ZNF148: variants seen among roughly 807,000 people sequenced by gnomAD.
ZNF148 encodes the protein zinc finger protein 148.
A neutral mutation model predicts 67.7 loss-of-function variants in ZNF148; 7 were observed. The ratio of observed to expected loss-of-function variants is 0.10; its 90% CI spans 0.06 to 0.19. The LOEUF is 0.19. Among genes scored for constraint, ZNF148 ranks in the 10% least tolerant of loss-of-function variants. The pLI, the probability that ZNF148 is intolerant of heterozygous loss-of-function variation, is 1.00. For missense variants in ZNF148, 583 were observed against 947.1 expected, an observed-to-expected ratio of 0.62 and a Z score of 5.05; for synonymous variants, 333 against 330.7, an observed-to-expected ratio of 1.01 and a Z score of -0.08.
chr3:125,365,762 G>T (rs1373597728), intron 1 of ZNF148, among the ~76,000 whole-genome samples: 1 of 152,170 alleles, frequency 6.6e-6, no homozygotes, highest in East Asian at 1.9e-4. Context: ...AGGCTGCAGT[G>T]AGCTGCTGCG....
chr3:125,266,735 A>T (rs1383246892), intron 7 of ZNF148, among the ~76,000 whole-genome samples: 2 of 152,050 alleles, frequency 1.3e-5, no homozygotes, highest in East Asian at 3.8e-4. Context: ...TGAAACTGAG[A>T]CCCAAAAACC....
intron 2 of ZNF148, among the ~76,000 whole-genome samples, chr3:125,326,243 A>T (rs1422295371): frequency 6.6e-6 from 1 of 152,160 alleles, no homozygotes; most frequent in Admixed American, 6.5e-5. Flanking sequence ...TTAATTCAAA[A>T]AACACTCCAT....
chr3:125,255,239 T>C (rs1481835686), intron 7 of ZNF148, among the ~76,000 whole-genome samples: 4 of 34,086 alleles, frequency 1.2e-4, no homozygotes, highest in African/African-American at 6.1e-4. Context: ...CCACCTGCTT[T>C]TTTTTTTTTT....
Position 125,232,309 on chromosome 3 carries a change from G to A in ZNF148, c.*32C>T, listed in dbSNP as rs1423269395. The A allele has an allele frequency of 6.4e-7, 1 of 1,565,850 alleles. No individual in the cohort carries two copies. Among genetic ancestry groups the A allele is most frequent in the South Asian group, 1.2e-5 (1 of 84,456 alleles). ...CCACTCTTGATTAATCTGTTCTAAAGTGCCAGTATTATTTACACTTTTTTT... is the reference window on the plus strand; with the variant it reads ...CCACTCTTGATTAATCTGTTCTAAAATGCCAGTATTATTTACACTTTTTTT... On this transcript the variant is annotated 3_prime_UTR_variant, in exon 9 of 9. Coordinates refer to ENST00000360647, the MANE Select transcript of ZNF148 (RefSeq NM_021964.3). This position sits in a 1 kb window ranked among gnomAD's most constrained non-coding sequence, Gnocchi z 4.2.
At chr3:125,269,205 C>CA (rs71148173) in intron 7 of ZNF148, among the ~76,000 whole-genome samples, 18,029 of 96,774 alleles carry the variant, frequency 0.19, 2,275 homozygotes, top group East Asian at 0.35. Context: ...CGGTCTCTAC[C>CA]AAAAAAAAAA....
At chr3:125,335,374 G>T (rs545129744) in intron 1 of ZNF148, among the ~76,000 whole-genome samples, 1 of 152,010 alleles carries the variant, frequency 6.6e-6, no homozygotes, top group African/African-American at 2.4e-5. Context: ...CAAAACAAAG[G>T]CATGTAGAAA....
In ZNF148 at chr3:125,279,236, T is replaced by A; in HGVS notation, c.471A>T (p.Ile157=). 1 of 1,569,598 alleles carries A rather than the reference T, an allele frequency of 6.4e-7. No individual in the cohort carries two copies. Among genetic ancestry groups the A allele is most frequent in the Non-Finnish European group, 8.6e-7 (1 of 1,160,804 alleles). ...TCAAACCAAGTGATCCATCCTCATT[T>A]ATTGTAAGGATCTAGTTCAAAAAAA... ...KQRSPAKILT[I]NEDGSLGLKT... The change falls in exon 6 of 9, where the codon ATA becomes ATT. Residue 157 remains isoleucine, a synonymous_variant. Coordinates refer to ENST00000360647, the MANE Select transcript of ZNF148 (RefSeq NM_021964.3).
chr3:125,290,643 A>G (rs899763562), intron 4 of ZNF148, among the ~76,000 whole-genome samples: 1 of 152,204 alleles, frequency 6.6e-6, no homozygotes, highest in Non-Finnish European at 1.5e-5. Context: ...AAATACTATA[A>G]CAAAAACATT....
intron 7 of ZNF148, among the ~76,000 whole-genome samples, chr3:125,265,959 T>TA (rs988326492): frequency 3.4e-4 from 52 of 152,018 alleles, no homozygotes; most frequent in African/African-American, 1.2e-3. Flanking sequence ...AAACCAACAG[T>TA]AAAAAAAGAC....
intron 2 of ZNF148, among the ~76,000 whole-genome samples, chr3:125,326,552 T>C (rs1485489618): frequency 1.3e-5 from 2 of 150,346 alleles, no homozygotes; most frequent in East Asian, 2.0e-4. Context: ...CAAAAGGCAA[T>C]AGAGGAAACA....
chr3:125,260,660 A>G (rs1024356756), intron 7 of ZNF148, among the ~76,000 whole-genome samples: 4 of 152,212 alleles, frequency 2.6e-5, no homozygotes, highest in African/African-American at 7.2e-5. Context: ...GGAGTGACAG[A>G]ACTAGTCTGT....
chr3:125,226,853 TA>T lies in ZNF148; in HGVS notation c.*5487del, dbSNP rs372998932. ...GACTACTGATGTAAAAGTTTATATT[TA>T]AAAATATCACAAATCTCTTTTTATT... is the stretch of plus-strand genomic sequence containing the variant. On this transcript the variant is annotated 3_prime_UTR_variant, in exon 9 of 9. Transcript: ENST00000360647. The T allele has an allele frequency of 1.9e-4, 29 of 152,356 alleles. No individual in the cohort carries two copies. In the East Asian group the frequency reaches 4.4e-3, roughly 23 times the overall value. The allele number at this position is 152,356 out of a possible 1,614,324, so 9.4% of individuals were successfully genotyped here. A position where few individuals can be genotyped will look rare whatever the true frequency, so the allele number is the denominator to read the frequency against.
chr3:125,351,261 A>G (rs567970747), intron 1 of ZNF148, among the ~76,000 whole-genome samples: 41 of 152,054 alleles, frequency 2.7e-4, no homozygotes, highest in African/African-American at 9.4e-4. Flanking sequence ...AGGTGCCTGT[A>G]GTCCTAGCTA....
At chr3:125,344,528 C>T in intron 1 of ZNF148, 1 of 1,112,658 alleles carries the variant, frequency 9.0e-7, no homozygotes, top group Non-Finnish European at 1.4e-6. Context: ...AATGTGAAGC[C>T]AAACTCAAAT....
At chr3:125,308,866 T>G (rs1940043184) in intron 4 of ZNF148, among the ~76,000 whole-genome samples, 1 of 152,126 alleles carries the variant, frequency 6.6e-6, no homozygotes, top group South Asian at 2.1e-4. Flanking sequence ...AAAAGGAGGA[T>G]GAATAAACAA....
chr3:125,233,027 C>T lies in ZNF148; in HGVS notation c.1699G>A (p.Val567Met). Residue 567 changes from valine to methionine, a missense_variant, in exon 9 of 9, where the codon GTG becomes ATG. By Grantham distance (21) the Val-to-Met change is conservative. Around this residue, in one of 5 missense-constraint regions of ZNF148, gnomAD observed 172 missense variants for 307.7 expected, o/e 0.56. Transcript: ENST00000360647. The surrounding 1 kb of genome is among the most constrained non-coding windows in gnomAD (Gnocchi z 5.1). Reference protein sequence around the residue: ...EISFSVADTEVTSSISINSSE... With the variant: ...EISFSVADTEMTSSISINSSE... ...GAATTTATTGATATGCTAGAAGTCA[C>T]TTCAGTATCTGCAACACTGAAGGAT... 1.9e-6 allele frequency: 3 copies of T among 1,613,564 alleles called. No individual in the cohort carries two copies. Among genetic ancestry groups the T allele is most frequent in the South Asian group, 1.1e-5 (1 of 91,076 alleles).
chr3:125,296,686 A>C (rs1939300375), intron 4 of ZNF148, among the ~76,000 whole-genome samples: 1 of 152,154 alleles, frequency 6.6e-6, no homozygotes, highest in South Asian at 2.1e-4. Flanking sequence ...CACATATACA[A>C]CACCACAGTA....
At chr3:125,310,945 G>C in intron 4 of ZNF148, 1 of 206,912 alleles carries the variant, frequency 4.8e-6, no homozygotes, top group South Asian at 9.7e-5. Context: ...TGCAGAGGAA[G>C]GCAGCATGCA....
At chr3:125,257,057 T>A (rs942256921) in intron 7 of ZNF148, among the ~76,000 whole-genome samples, 2 of 151,898 alleles carry the variant, frequency 1.3e-5, no homozygotes, top group African/African-American at 2.4e-5. Context: ...TTTCCACTAT[T>A]TTCTTAAATG....
Sources: gnomAD v4.1 joint callset for allele counts (sites outside exome capture counted in the v4.1 genomes callset) on GRCh38, gnomAD v4.1.1 for gene constraint, gnomAD v4.1.1 regional missense constraint, Gnocchi (gnomAD v3.1) non-coding constraint, MANE v1.5 for transcripts, NCBI Gene and HGNC (gene_info 2026-07-23, HGNC 2026-07-21) for gene names.